The following ATP12A variants were observed in gnomAD, a reference collection of about 807,000 sequenced individuals.
ATP12A encodes potassium-transporting ATPase alpha chain 2.
ATP12A carries 81 observed loss-of-function variants against 111.2 expected under a neutral mutation model. The ratio of observed to expected loss-of-function variants is 0.73; its 90% CI spans 0.61 to 0.88. The LOEUF (loss-of-function observed/expected upper bound fraction) is 0.88, where lower values mean the gene tolerates loss of function less well. ATP12A is among the 40% of genes least tolerant of loss of function. The pLI, the probability that ATP12A is intolerant of heterozygous loss-of-function variation, is 0.00. For missense variants in ATP12A, 1,196 were observed against 1,313.1 expected, an observed-to-expected ratio of 0.91 and a Z score of 1.38; for synonymous variants, 498 against 499.8, an observed-to-expected ratio of 1.00 and a Z score of 0.05.
rs756088127 is a variant in ATP12A at position 24,689,360 on chromosome 13, T to G, written c.531T>G (p.Asn177Lys). 6.2e-7 allele frequency: 1 copy of G among 1,613,964 alleles called. No homozygotes were observed. The highest frequency in any genetic ancestry group is 1.7e-5 in the Admixed American group (1 of 60,032). Residue 177 changes from asparagine (N) to lysine (K), a missense_variant, in exon 5 of 23, where the codon AAT becomes AAG. Asn to Lys is a moderately conservative substitution (Grantham distance 94). Transcript: ENST00000381946. ...AKSTNIMSSF[N>K]KMIPQQALVI... ...GCACCAACATCATGTCCAGCTTCAA[T>G]AAGATGATCCCTCAGGTGAGTGGCA...
chr13:24,680,821 C>G, intron 1 of ATP12A, 69 bp downstream of exon 1: 1 of 1,426,930 alleles, frequency 7.0e-7, no homozygotes, highest in Non-Finnish European at 9.1e-7. Context: ...CCGGAGCAGG[C>G]TGACGGGAAG....
chr13:24,681,813 T>C lies in ATP12A; in HGVS notation c.168+93T>C, dbSNP rs536711186. 6.0e-6 allele frequency: 9 copies of C among 1,492,028 alleles called. No individual in the cohort carries two copies. In the African/African-American group the frequency reaches 1.3e-4, roughly 21 times the overall value. 92.4% of individuals were successfully genotyped at this position (1,492,028 alleles called of 1,614,324 possible). ...CCCACCTCTTACCACAGACATTCAG[T>C]CTGAGGGATTTGAAATCCCCTTGAG... On this transcript the variant is annotated intron_variant, in intron 2 of 22. Transcript: ENST00000381946.
chr13:24,691,630 C>G (rs1194465340), intron 8 of ATP12A, among the ~76,000 whole-genome samples: 2 of 132,520 alleles, frequency 1.5e-5, no homozygotes, highest in Non-Finnish European at 3.1e-5. Flanking sequence ...CCACTTACCT[C>G]TCTTACGAAA....
intron 3 of ATP12A, among the ~76,000 whole-genome samples, chr13:24,687,621 G>A (rs1874717462): frequency 6.6e-6 from 1 of 152,240 alleles, no homozygotes; most frequent in African/African-American, 2.4e-5. Flanking sequence ...ACGGATGGCA[G>A]GCCCCCCAGG....
chr13:24,694,601 T>C, intron 11 of ATP12A, 23 bp downstream of exon 11: 1 of 1,611,958 alleles, frequency 6.2e-7, no homozygotes, highest in Non-Finnish European at 8.5e-7. Context: ...TCACAACCGG[T>C]AATCTCTGTC....
intron 3 of ATP12A, among the ~76,000 whole-genome samples, chr13:24,686,079 G>A (rs935647493): frequency 6.6e-6 from 1 of 152,156 alleles, no homozygotes; most frequent in Non-Finnish European, 1.5e-5. Context: ...AGTGAGAAAT[G>A]GAAGGGTCTA....
In ATP12A at chr13:24,685,053, C is replaced by T. The variant is rs567637291; in HGVS notation, c.169-261C>T. Reference sequence around the variant, plus strand: ...TTGAAGCGAGGTGCATGGCTTTGTTCAGAAAAGCTGCAGGCAGCTTCTGGG... The same window carrying T: ...TTGAAGCGAGGTGCATGGCTTTGTTTAGAAAAGCTGCAGGCAGCTTCTGGG... On this transcript the variant is annotated intron_variant, in intron 2 of 22. Transcript: ENST00000381946. The surrounding 1 kb of genome is among the most constrained non-coding windows in gnomAD (Gnocchi z 5.5). Among the ~76,000 whole-genome samples, 5 of 152,308 alleles carry T rather than the reference C, an allele frequency of 3.3e-5. No individual in the cohort carries two copies. Among genetic ancestry groups the T allele is most frequent in the African/African-American group, 1.2e-4 (5 of 41,576 alleles).
At position 24,690,467 on chromosome 13, in the gene ATP12A, T is replaced by C. The variant is rs200826692; in HGVS notation, c.676T>C (p.Cys226Arg). 7.4e-5 allele frequency: 119 copies of C among 1,612,940 alleles called. No individual in the cohort carries two copies. Among genetic ancestry groups the C allele is most frequent in the Admixed American group, 5.7e-4 (34 of 59,846 alleles). ...ADIRVLSSQG[C>R]RVDNSSLTGE... is the part of the protein sequence containing the mutation. Reference sequence around the variant, plus strand: ...CATCAGGGTGCTGTCTTCTCAGGGGTGTCGGGTAAGCGGCAAGGGGTATCC... The same window carrying C: ...CATCAGGGTGCTGTCTTCTCAGGGGCGTCGGGTAAGCGGCAAGGGGTATCC... Residue 226 changes from cysteine to arginine, a missense_variant, in exon 6 of 23, where the codon TGT becomes CGT. Cys to Arg is a radical substitution (Grantham distance 180). This residue lies in a region of ATP12A where 1,126 missense variants were observed against 1,228.5 expected (regional missense o/e 0.92). Coordinates refer to ENST00000381946, the MANE Select transcript of ATP12A (RefSeq NM_001676.7).
intron 3 of ATP12A, among the ~76,000 whole-genome samples, chr13:24,686,329 A>G (rs1349500364): frequency 6.6e-6 from 1 of 151,146 alleles, no homozygotes; most frequent in Non-Finnish European, 1.5e-5. Context: ...AATCTCAGCT[A>G]CTCAGGAGGC....
At chr13:24,689,114 C>T (rs963886938) in intron 4 of ATP12A, 148 bp from the exon 5 acceptor site, 20 of 650,804 alleles carry the variant, frequency 3.1e-5, no homozygotes, top group Admixed American at 8.4e-5. Flanking sequence ...CAATAAGTTG[C>T]GCACTTAACA....
intron 14 of ATP12A, among the ~76,000 whole-genome samples, chr13:24,705,284 A>G (rs1875577894): frequency 6.6e-6 from 1 of 152,180 alleles, no homozygotes; most frequent in Admixed American, 6.5e-5. Context: ...GGGATGGAGG[A>G]TGTCAGAACT....
rs1874396772 is a variant in ATP12A, at chr13:24,680,705, G to A, written c.-39G>A. On this transcript the variant is annotated 5_prime_UTR_variant, in exon 1 of 23. Transcript: ENST00000381946. ...GCTCCGCCGCTGCGGTCCCGGATCC[G>A]CGCTCCACGCCCGCAGCCCGCGGCG... The A allele has an allele frequency of 1.3e-6, 2 of 1,501,622 alleles. No individual in the cohort carries two copies. The highest frequency in any genetic ancestry group is 1.8e-6 in the Non-Finnish European group (2 of 1,132,852). The allele number at this position is 1,501,622 out of a possible 1,614,324, so 93.0% of individuals were successfully genotyped here. A position where few individuals can be genotyped will look rare whatever the true frequency, so the allele number is the denominator to read the frequency against.
Position 24,692,644 on chromosome 13 carries a change from G to C in ATP12A, c.1267+17G>C, listed in dbSNP as rs757772241. 13 of 1,606,992 alleles carry C rather than the reference G, an allele frequency of 8.1e-6. No individual in the cohort carries two copies. In the South Asian group the frequency reaches 1.3e-4, roughly 16 times the overall value. ...ACCATTCAAGTAAGTCTTATGGAGA[G>C]CTCGGTCTGGCCAAAGCTGTGGACT... On this transcript the variant is annotated intron_variant, in intron 9 of 22. Coordinates refer to ENST00000381946, the MANE Select transcript of ATP12A (RefSeq NM_001676.7).
chr13:24,686,644 C>T (rs370604644), intron 3 of ATP12A, among the ~76,000 whole-genome samples: 15 of 152,142 alleles, frequency 9.9e-5, no homozygotes, highest in African/African-American at 1.7e-4. Context: ...GAGGCTGAGG[C>T]AGGAGAATGG....
chr13:24,694,086 T>C (rs1237708524), intron 10 of ATP12A, among the ~76,000 whole-genome samples: 1 of 152,190 alleles, frequency 6.6e-6, no homozygotes, highest in Non-Finnish European at 1.5e-5. Flanking sequence ...GCTTGTACCT[T>C]GAACACTCAC....
chr13:24,706,890 C>A, intron 15 of ATP12A, 133 bp from the exon 16 acceptor site: 1 of 990,720 alleles, frequency 1.0e-6, no homozygotes, highest in South Asian at 2.1e-5. Context: ...ATCTTTTCCC[C>A]TAAATGGGCC....
At chr13:24,704,963 G>A (rs1259554701) in intron 14 of ATP12A, among the ~76,000 whole-genome samples, 3 of 152,078 alleles carry the variant, frequency 2.0e-5, no homozygotes, top group Non-Finnish European at 4.4e-5. Context: ...AGGTGTAAGG[G>A]GAAAGGAAAC....
chr13:24,698,879 C>T lies in ATP12A; in HGVS notation c.1705+29C>T, dbSNP rs547969131. On this transcript the variant is annotated intron_variant, in intron 12 of 22. Coordinates refer to ENST00000381946, the MANE Select transcript of ATP12A (RefSeq NM_001676.7). Reference sequence around the variant, plus strand: ...AGTGCGGCGGCAGGGCCCTGCCCATCACCTGGTGGGCACAGAGATGAGGCA... The same window carrying T: ...AGTGCGGCGGCAGGGCCCTGCCCATTACCTGGTGGGCACAGAGATGAGGCA... The T allele has an allele frequency of 1.4e-5, 22 of 1,609,172 alleles. No homozygotes were observed. In the East Asian group the frequency reaches 4.7e-4, roughly 34 times the overall value.
In ATP12A at chr13:24,700,932, AT is replaced by A. The variant is rs1875367925; in HGVS notation, c.1881+14del. ...GAGTGCAGGGATCAAGGTGGGAGTT[AT>A]TTTCCTGACTCAAGAAGTTCTTTCT... On this transcript the variant is annotated intron_variant, in intron 13 of 22. Coordinates refer to ENST00000381946, the MANE Select transcript of ATP12A (RefSeq NM_001676.7). 4 of 1,610,462 alleles carry A rather than the reference AT, an allele frequency of 2.5e-6. No individual in the cohort carries two copies. The highest frequency in any genetic ancestry group is 1.7e-5 in the Admixed American group (1 of 59,476).
Sources: allele counts gnomAD v4.1 joint callset (sites outside exome capture counted in the v4.1 genomes callset), GRCh38; gene constraint gnomAD v4.1.1; regional missense constraint gnomAD v4.1.1; non-coding constraint Gnocchi (gnomAD v3.1); transcripts MANE v1.5; gene names NCBI Gene and HGNC (gene_info 2026-07-23, HGNC 2026-07-21).